SLCO1C1: variants seen among roughly 807,000 people sequenced by gnomAD.
SLCO1C1 encodes the protein OAT-RP-5.
A neutral mutation model predicts 76.4 loss-of-function variants in SLCO1C1; 70 were observed. That is an observed-to-expected ratio of 0.92 (90% CI 0.76 to 1.12). The LOEUF (loss-of-function observed/expected upper bound fraction) is 1.12. Among genes scored for constraint, SLCO1C1 ranks in the 50% most tolerant of loss-of-function variants. SLCO1C1 has a pLI of 0.00. For synonymous variants in SLCO1C1, 306 were observed against 286.1 expected (o/e 1.07, Z -0.70); for missense variants, 912 against 823.8 (o/e 1.11, Z -1.31).
At chr12:20,723,608 G>C (rs932208488) in intron 9 of SLCO1C1, among the ~76,000 whole-genome samples, 14 of 152,150 alleles carry the variant, frequency 9.2e-5, no homozygotes, top group Non-Finnish European at 1.6e-4. Context: ...TAGGTTAAAA[G>C]ATGTTCATTC....
At chr12:20,713,331 G>T (rs1337648099) in intron 5 of SLCO1C1, among the ~76,000 whole-genome samples, 1 of 151,954 alleles carries the variant, frequency 6.6e-6, no homozygotes, top group Admixed American at 6.5e-5. Flanking sequence ...CGCCCGCCTC[G>T]GCCTCCCAAA....
At chr12:20,702,246 G>A (rs76155118) in intron 3 of SLCO1C1, among the ~76,000 whole-genome samples, 1,773 of 151,940 alleles carry the variant, frequency 0.012, 24 homozygotes, top group African/African-American at 0.04. Context: ...TTTACCTGGT[G>A]AACTTTCAGA....
At chr12:20,711,827 G>T (rs1947121214) in intron 5 of SLCO1C1, among the ~76,000 whole-genome samples, 1 of 152,298 alleles carries the variant, frequency 6.6e-6, no homozygotes, top group Admixed American at 6.5e-5. Flanking sequence ...TCAATCCATT[G>T]CTCAGATATG....
At chr12:20,701,254 T>A in intron 2 of SLCO1C1, 64 bp from the exon 3 acceptor site, 1 of 1,368,378 alleles carries the variant, frequency 7.3e-7, no homozygotes, top group Non-Finnish European at 9.6e-7. Flanking sequence ...TTTGTCTATT[T>A]ACTTAGTTTC....
rs779816846 is a variant in SLCO1C1 at position 20,711,497 on chromosome 12, C to A, written c.516C>A (p.Ser172=). ...TTTCAGTTATGGAAAAATCAAAATCCAAAATAAGTAACGGTAAGATCATTT... is the reference window on the plus strand; with the variant it reads ...TTTCAGTTATGGAAAAATCAAAATCAAAAATAAGTAACGGTAAGATCATTT... ...LPVSVMEKSK[S]KISNECEVDT... Residue 172 remains serine (S), a synonymous_variant, in exon 5 of 15, where the codon TCC becomes TCA. Transcript: ENST00000266509. 1.9e-6 allele frequency: 3 copies of A among 1,612,880 alleles called. No homozygotes were observed. In the South Asian group the frequency reaches 3.3e-5, roughly 18 times the overall value.
Position 20,750,774 on chromosome 12 carries a change from A to T in SLCO1C1, c.1898A>T (p.Tyr633Phe), listed in dbSNP as rs1003930653. ...GGAAGTAGAGGATCATGCAGATTAT[A>T]TGATTCAAATGTCTTCAGGTACCAA... Reference protein sequence around the residue: ...RCGSRGSCRLYDSNVFRHIYL... With the variant: ...RCGSRGSCRLFDSNVFRHIYL... The change falls in exon 14 of 15, where the codon TAT becomes TTT. Residue 633 changes from tyrosine to phenylalanine, a missense_variant. Transcript: ENST00000266509. 1 of 1,613,908 alleles carries T rather than the reference A, an allele frequency of 6.2e-7. No individual in the cohort carries two copies. Among genetic ancestry groups the T allele is most frequent in the African/African-American group, 1.3e-5 (1 of 74,932 alleles).
chr12:20,732,950 G>C lies in SLCO1C1; in HGVS notation c.1228G>C (p.Gly410Arg). The C allele has an allele frequency of 6.2e-7, 1 of 1,613,938 alleles. No homozygotes were observed. ...AGCAGTGGCCCTTGGAATATTCTCT[G>C]GGGGGATAGTTATGAAAAAATTCAG... is the stretch of plus-strand genomic sequence containing the variant. ...IPAVALGIFSGGIVMKKFRIS... is the reference protein window; with the variant it reads ...IPAVALGIFSRGIVMKKFRIS... Residue 410 changes from glycine (G) to arginine (R), a missense_variant, in exon 10 of 15, where the codon GGG (glycine) becomes CGG (arginine). Physicochemically the swap from Gly to Arg is moderately radical, Grantham distance 125 (BLOSUM62 -2). Coordinates refer to ENST00000266509, the MANE Select transcript of SLCO1C1 (RefSeq NM_017435.5).
Position 20,740,313 on chromosome 12 carries a change from A to C in SLCO1C1, c.1678A>C (p.Ile560Leu), listed in dbSNP as rs774367376. The change falls in exon 12 of 15, where the codon ATC (isoleucine) becomes CTC (leucine). Residue 560 changes from isoleucine (I) to leucine (L), a missense_variant. Coordinates refer to ENST00000266509, the MANE Select transcript of SLCO1C1 (RefSeq NM_017435.5). ...MFLYFLVISV[I>L]TSYTLSLGGI... ...TCTGTATTTCCTTGTAATTTCAGTC[A>C]TCACATCCTATACTTTATCCCTAGG... 6.2e-7 allele frequency: 1 copy of C among 1,613,958 alleles called. No homozygotes were observed. The highest frequency in any genetic ancestry group is 8.5e-7 in the Non-Finnish European group (1 of 1,179,926).
chr12:20,727,994 T>C (rs1948106314), intron 9 of SLCO1C1, among the ~76,000 whole-genome samples: 1 of 152,244 alleles, frequency 6.6e-6, no homozygotes, highest in Admixed American at 6.5e-5. Context: ...CTTGATGGTG[T>C]CTCTTGCTGC....
chr12:20,712,009 C>G (rs775922917), intron 5 of SLCO1C1, among the ~76,000 whole-genome samples: 8 of 152,096 alleles, frequency 5.3e-5, no homozygotes, highest in Non-Finnish European at 8.8e-5. Context: ...ATGGTGGGAG[C>G]TCTTGGTGTT....
intron 5 of SLCO1C1, among the ~76,000 whole-genome samples, chr12:20,713,900 C>G (rs1373670441): frequency 6.6e-6 from 1 of 152,204 alleles, no homozygotes; most frequent in African/African-American, 2.4e-5. Flanking sequence ...CTACACTTCT[C>G]TACAAGAAGA....
chr12:20,720,364 CTTA>C (rs1039283227), intron 7 of SLCO1C1, among the ~76,000 whole-genome samples: 2 of 152,130 alleles, frequency 1.3e-5, no homozygotes, highest in Non-Finnish European at 2.9e-5. Context: ...ACTTTCAAGT[CTTA>C]TTATTTAAGA....
chr12:20,711,508 A>G lies in SLCO1C1; in HGVS notation c.527A>G (p.Asn176Ser), dbSNP rs1191533887. 3 of 1,613,292 alleles carry G rather than the reference A, an allele frequency of 1.9e-6. No individual in the cohort carries two copies. Among genetic ancestry groups the G allele is most frequent in the Non-Finnish European group, 2.5e-6 (3 of 1,179,704 alleles). The change falls in exon 5 of 15, where the codon AAC becomes AGC. Residue 176 changes from asparagine (N) to serine (S), a missense_variant and splice_region_variant. Transcript: ENST00000266509. ...VMEKSKSKIS[N>S]ECEVDTSSSM... ...GAAAAATCAAAATCCAAAATAAGTA[A>G]CGGTAAGATCATTTTTTTGACTTGA... is the stretch of plus-strand genomic sequence containing the variant.
chr12:20,728,331 T>G (rs527912803), intron 9 of SLCO1C1, among the ~76,000 whole-genome samples: 1 of 152,278 alleles, frequency 6.6e-6, no homozygotes, highest in Admixed American at 6.5e-5. Flanking sequence ...TGTAGGTGTG[T>G]GGCTTTATTT....
intron 3 of SLCO1C1, 126 bp downstream of exon 3, chr12:20,701,585 T>TTC: frequency 1.1e-6 from 1 of 923,080 alleles, no homozygotes; most frequent in Non-Finnish European, 1.5e-6. Context: ...TTTTTTTTTT[T>TTC]TTGGACAGAA....
chr12:20,744,057 A>G (rs2120903147), intron 13 of SLCO1C1, among the ~76,000 whole-genome samples: 1 of 152,190 alleles, frequency 6.6e-6, no homozygotes, highest in Admixed American at 6.5e-5. Flanking sequence ...AAGCTTAAAA[A>G]ATTTGAAATC....
intron 3 of SLCO1C1, among the ~76,000 whole-genome samples, chr12:20,702,335 A>G (rs73240444): frequency 0.027 from 4,157 of 152,002 alleles, 196 homozygotes; most frequent in African/African-American, 0.097. Flanking sequence ...CTTACTCTGA[A>G]TATCACAGAA....
intron 3 of SLCO1C1, among the ~76,000 whole-genome samples, chr12:20,704,550 A>ATAGTTCATATTATTAT (rs1256500307): frequency 6.6e-6 from 1 of 151,872 alleles, no homozygotes; most frequent in East Asian, 1.9e-4. Context: ...TCGTTTTTTA[A>ATAGTTCATATTATTAT]TATGAACATT....
chr12:20,741,049 G>C (rs1478412187), intron 12 of SLCO1C1, among the ~76,000 whole-genome samples: 1 of 151,860 alleles, frequency 6.6e-6, no homozygotes, highest in Admixed American at 6.6e-5. Flanking sequence ...GGGGGAAGAG[G>C]AAACAAACAA....
Sources: allele counts gnomAD v4.1 joint callset (sites outside exome capture counted in the v4.1 genomes callset), GRCh38; gene constraint gnomAD v4.1.1; transcripts MANE v1.5; gene names NCBI Gene and HGNC (gene_info 2026-07-23, HGNC 2026-07-21).